ATP6V0A4: variants seen among roughly 807,000 people sequenced by gnomAD.
ATP6V0A4 encodes the protein ATPase H+ transporting V0 subunit a4, also known as V-type proton ATPase 116 kDa subunit a 4.
ATP6V0A4 carries 86 observed loss-of-function variants against 107.3 expected under a neutral mutation model. That is an observed-to-expected ratio of 0.80 (90% confidence interval 0.67 to 0.96). ATP6V0A4 has a LOEUF of 0.96. ATP6V0A4 is among the 40% of genes least tolerant of loss of function. ATP6V0A4 has a pLI of 0.00. For missense variants in ATP6V0A4, 908 were observed against 1,045.6 expected, an observed-to-expected ratio of 0.87 and a Z score of 1.81; for synonymous variants, 353 against 381.4, an observed-to-expected ratio of 0.93 and a Z score of 0.87.
At chr7:138,740,029 A>T (rs192510140) in intron 14 of ATP6V0A4, among the ~76,000 whole-genome samples, 86 of 149,224 alleles carry the variant, frequency 5.8e-4, no homozygotes, top group Middle Eastern at 3.4e-3. Flanking sequence ...TGGGAGGTCA[A>T]GGCTGCAGTG....
At chr7:138,787,566 C>T (rs6467803) in intron 1 of ATP6V0A4, among the ~76,000 whole-genome samples, 87,277 of 151,856 alleles carry the variant, frequency 0.57, 25,406 homozygotes, top group African/African-American at 0.64. Flanking sequence ...GTGGGAGGAT[C>T]ACTGGAGCCC....
At chr7:138,756,921 A>T (rs1229675064) in intron 8 of ATP6V0A4, among the ~76,000 whole-genome samples, 1 of 152,368 alleles carries the variant, frequency 6.6e-6, no homozygotes, top group East Asian at 1.9e-4. Flanking sequence ...AGAGTTAATT[A>T]ACACACAACA....
At chr7:138,768,999 A>G in intron 4 of ATP6V0A4, 125 bp from the exon 5 acceptor site, 2 of 1,569,670 alleles carry the variant, frequency 1.3e-6, no homozygotes, top group Non-Finnish European at 1.7e-6. Flanking sequence ...AGGAGCTGCC[A>G]CAGCACCTGG....
intron 18 of ATP6V0A4, among the ~76,000 whole-genome samples, chr7:138,722,637 C>T (rs111912785): frequency 1.4e-5 from 2 of 142,944 alleles, no homozygotes; most frequent in Admixed American, 7.4e-5. Flanking sequence ...CCCAGCTACC[C>T]GGGAGGCTGA....
intron 19 of ATP6V0A4, among the ~76,000 whole-genome samples, chr7:138,721,395 C>T (rs912812492): frequency 2.6e-5 from 4 of 152,016 alleles, no homozygotes; most frequent in African/African-American, 9.7e-5. Context: ...AAAAATTAAC[C>T]GGGTGCAGTG....
At chr7:138,777,104 G>A (rs901676833) in intron 2 of ATP6V0A4, among the ~76,000 whole-genome samples, 3 of 150,938 alleles carry the variant, frequency 2.0e-5, no homozygotes, top group Non-Finnish European at 4.4e-5. Flanking sequence ...AGCCGAGATC[G>A]CACCACAGCA....
chr7:138,783,336 C>T (rs1224554703), intron 2 of ATP6V0A4, among the ~76,000 whole-genome samples: 6 of 151,852 alleles, frequency 4.0e-5, no homozygotes, highest in Admixed American at 6.6e-5. Context: ...TATGGGGGAC[C>T]GAGGTGGGAG....
intron 21 of ATP6V0A4, among the ~76,000 whole-genome samples, chr7:138,708,605 T>C (rs1803572305): frequency 6.6e-6 from 1 of 152,210 alleles, no homozygotes; most frequent in African/African-American, 2.4e-5. Context: ...ACCAGAGGCC[T>C]AAACATGTTT....
intron 2 of ATP6V0A4, among the ~76,000 whole-genome samples, chr7:138,780,550 T>C (rs1263915334): frequency 6.6e-6 from 1 of 152,018 alleles, no homozygotes. Context: ...TGCTGGCAGA[T>C]TGGGCACTCA....
At chr7:138,786,870 C>T (rs906757346) in intron 1 of ATP6V0A4, among the ~76,000 whole-genome samples, 4 of 152,042 alleles carry the variant, frequency 2.6e-5, no homozygotes, top group African/African-American at 9.7e-5. Context: ...CCCAATTACA[C>T]AAGTAAGTTT....
Position 138,739,573 on chromosome 7 carries a change from A to G in ATP6V0A4, c.1539T>C (p.Tyr513=), listed in dbSNP as rs754981272. The G allele has an allele frequency of 4.3e-6, 7 of 1,614,070 alleles. No individual in the cohort carries two copies. The East Asian group carries it at 1.3e-4, about 31-fold the overall frequency. The stretch of plus-strand genomic sequence containing the variant: ...TCCCAAACGGGTATGGATTTCCAAA[A>G]TACACTCCTGGTATGGCTGGGTCCA... The part of the protein sequence containing the change: ...LQLDPAIPGV[Y]FGNPYPFGID... The change falls in exon 15 of 22, where the codon TAT becomes TAC. Residue 513 remains tyrosine, a synonymous_variant. Coordinates refer to ENST00000310018, the MANE Select transcript of ATP6V0A4 (RefSeq NM_020632.3).
At chr7:138,761,002 A>G (rs1048026903) in intron 7 of ATP6V0A4, among the ~76,000 whole-genome samples, 1 of 151,854 alleles carries the variant, frequency 6.6e-6, no homozygotes, top group African/African-American at 2.4e-5. Context: ...TTGTAGACAC[A>G]GAGTCTTGCT....
Position 138,756,495 on chromosome 7 carries a change from C to G in ATP6V0A4, c.685G>C (p.Glu229Gln). 1.2e-6 allele frequency: 2 copies of G among 1,612,760 alleles called. No individual in the cohort carries two copies. Residue 229 changes from glutamate to glutamine, a missense_variant, in exon 9 of 22, where the codon GAG becomes CAG. By Grantham distance (29) the Glu-to-Gln change is conservative. Transcript: ENST00000310018. ...KNIFIIFYQG[E>Q]QLRQKIKKIC... ...TTCTTGATTTTCTGCCTGAGCTGCT[C>G]TCCTTGGTAAAATATGATGAATATG... is the stretch of plus-strand genomic sequence containing the variant.
chr7:138,726,059 G>C (rs1018892603), intron 18 of ATP6V0A4, among the ~76,000 whole-genome samples: 1 of 151,588 alleles, frequency 6.6e-6, no homozygotes, highest in Non-Finnish European at 1.5e-5. Context: ...GTGCAATTTC[G>C]GCTCACTGCA....
Position 138,756,556 on chromosome 7 carries a change from A to G in ATP6V0A4, c.640-16T>C. Reference sequence around the variant, plus strand: ...TTTCTTCTTTCTGGAAAATCAGAATAAGTTAAAAAAAAAGGGGGGGGTTTC... The same window carrying G: ...TTTCTTCTTTCTGGAAAATCAGAATGAGTTAAAAAAAAAGGGGGGGGTTTC... On this transcript the variant is annotated splice_polypyrimidine_tract_variant and intron_variant, in intron 8 of 21. Coordinates refer to ENST00000310018, the MANE Select transcript of ATP6V0A4 (RefSeq NM_020632.3). 1 of 1,598,832 alleles carries G rather than the reference A, an allele frequency of 6.3e-7. No individual in the cohort carries two copies. Among genetic ancestry groups the G allele is most frequent in the Non-Finnish European group, 8.5e-7 (1 of 1,175,766 alleles).
rs766968071 is a variant in ATP6V0A4 at position 138,771,180 on chromosome 7, T to C, written c.68A>G (p.Tyr23Cys). The C allele has an allele frequency of 6.8e-6, 11 of 1,614,018 alleles. No homozygotes were observed. Among genetic ancestry groups the C allele is most frequent in the Non-Finnish European group, 8.5e-6 (10 of 1,180,034 alleles). The change falls in exon 3 of 22, where the codon TAT (tyrosine) becomes TGT (cysteine). Residue 23 changes from tyrosine to cysteine, a missense_variant. By Grantham distance (194) the Tyr-to-Cys change is radical. Coordinates refer to ENST00000310018, the MANE Select transcript of ATP6V0A4 (RefSeq NM_020632.3). ...SQLFLQVEAA[Y>C]CCVAELGELG... is the part of the protein sequence containing the mutation. ...CTCTCCGAGCTCAGCCACACAGCAA[T>C]ATGCAGCTTCCACCTGGAGAAACAG...
rs61747675 is a variant in ATP6V0A4 at position 138,734,186 on chromosome 7, C to T, written c.1641G>A (p.Leu547=). The T allele has an allele frequency of 1.9e-3, 3,029 of 1,613,780 alleles. 47 individuals are homozygous for T. The African/African-American group carries it at 0.034, about 18-fold the overall frequency. The part of the protein sequence containing the change: ...NSYKMKMSVI[L]GIVQMVFGVI... ...CACCGAAAACCATCTGGACAATTCC[C>T]AGGATCACCGACATCTTCATTTTAT... The change falls in exon 16 of 22, where the codon CTG becomes CTA. Residue 547 remains leucine (L), a synonymous_variant. Transcript: ENST00000310018.
intron 1 of ATP6V0A4, among the ~76,000 whole-genome samples, chr7:138,795,619 G>A (rs944066627): frequency 6.6e-6 from 1 of 152,082 alleles, no homozygotes; most frequent in African/African-American, 2.4e-5. Context: ...CATTTATTTT[G>A]CCCAGTTTTT....
intron 17 of ATP6V0A4, among the ~76,000 whole-genome samples, chr7:138,729,392 G>A: frequency 6.6e-6 from 1 of 152,138 alleles, no homozygotes; most frequent in Non-Finnish European, 1.5e-5. Flanking sequence ...GAAAAAAGAA[G>A]TTCCTCACCA....
Sources: gnomAD v4.1 joint callset for allele counts (sites outside exome capture counted in the v4.1 genomes callset) on GRCh38, gnomAD v4.1.1 for gene constraint, MANE v1.5 for transcripts, NCBI Gene and HGNC (gene_info 2026-07-23, HGNC 2026-07-21) for gene names.